Variants in EIF4G3 observed in about 807,000 individuals in gnomAD.
EIF4G3 encodes the protein eukaryotic translation initiation factor 4 gamma 3.
Under a neutral mutation model 186.4 loss-of-function variants are expected in EIF4G3, and 34 were observed. The observed-to-expected ratio is 0.18, with a 90% confidence interval of 0.14 to 0.24. The LOEUF (loss-of-function observed/expected upper bound fraction) is 0.24. EIF4G3 is among the 10% of genes least tolerant of loss of function. The pLI, the probability that EIF4G3 is intolerant of heterozygous loss-of-function variation, is 1.00. For synonymous variants in EIF4G3, 673 were observed against 679.5 expected (o/e 0.99, Z 0.15); for missense variants, 1,536 against 1,948.5 (o/e 0.79, Z 3.99).
intron 4 of EIF4G3, among the ~76,000 whole-genome samples, chr1:21,019,692 G>T (rs1002166420): frequency 6.6e-6 from 1 of 152,156 alleles, no homozygotes; most frequent in African/African-American, 2.4e-5. Flanking sequence ...AGACCATCCT[G>T]ACCAACATGG....
chr1:20,822,254 GCT>G (rs760661003), intron 33 of EIF4G3, among the ~76,000 whole-genome samples: 1 of 151,230 alleles, frequency 6.6e-6, no homozygotes, highest in Non-Finnish European at 1.5e-5. Flanking sequence ...TGATGTTACC[GCT>G]TTCATTCCAG....
chr1:20,898,477 C>A (rs1558133670), intron 16 of EIF4G3, among the ~76,000 whole-genome samples: 2 of 152,092 alleles, frequency 1.3e-5, no homozygotes, highest in Non-Finnish European at 2.9e-5. Flanking sequence ...TATATAACTA[C>A]AAAGTTTCTA....
rs142779584 is a variant in EIF4G3, at chr1:21,158,895, T to C, written c.-272+17280A>G. 1.8e-3 allele frequency among the ~76,000 whole-genome samples: 271 copies of C among 152,052 alleles called. 1 individual carries two copies. Among genetic ancestry groups the C allele is most frequent in the African/African-American group, 6.1e-3 (252 of 41,488 alleles). ...ACCTATATTTTCTCGCTAAATCCAA[T>C]TGTTACCTATGATGAGTAAAGACAC... On this transcript the variant is annotated intron_variant, in intron 2 of 36. Coordinates refer to ENST00000602326, the MANE Select transcript of EIF4G3 (RefSeq NM_001391906.1).
rs140079301 is a variant in EIF4G3 at position 20,888,538 on chromosome 1, G to A, written c.2254-2167C>T. ...TGAATTCACTGTTTGGAATAGCAAT[G>A]CCTGGAAAACTGTGGTGTAGTGAAC... On this transcript the variant is annotated intron_variant, in intron 18 of 36. Coordinates refer to ENST00000602326, the MANE Select transcript of EIF4G3 (RefSeq NM_001391906.1). 7.2e-5 allele frequency among the ~76,000 whole-genome samples: 11 copies of A among 152,148 alleles called. No homozygotes were observed. The East Asian group carries it at 2.1e-3, about 29-fold the overall frequency.
chr1:21,171,453 C>A (rs1304808275), intron 2 of EIF4G3, among the ~76,000 whole-genome samples: 1 of 152,136 alleles, frequency 6.6e-6, no homozygotes, highest in Non-Finnish European at 1.5e-5. Context: ...GTCTTCACCA[C>A]TGAAGTTAGA....
chr1:21,115,527 GAAAC>G (rs762764799), intron 2 of EIF4G3, among the ~76,000 whole-genome samples: 12 of 152,118 alleles, frequency 7.9e-5, no homozygotes, highest in African/African-American at 2.9e-4. Context: ...AATTTGTTAG[GAAAC>G]AAACAAACAA....
At chr1:21,048,691 C>T (rs971370933) in intron 4 of EIF4G3, among the ~76,000 whole-genome samples, 2 of 152,096 alleles carry the variant, frequency 1.3e-5, no homozygotes, top group Admixed American at 1.3e-4. Context: ...AGCTTTCCCT[C>T]GGCACCCTAG....
intron 2 of EIF4G3, among the ~76,000 whole-genome samples, chr1:21,173,555 G>T (rs544674269): frequency 1.8e-3 from 281 of 152,080 alleles, no homozygotes; most frequent in African/African-American, 6.5e-3. Flanking sequence ...GGACCTGGTG[G>T]CACACGCCTG....
At position 21,099,338 on chromosome 1, in the gene EIF4G3, TA is replaced by T. The variant is rs551996723; in HGVS notation, c.-271-10126del. Among the ~76,000 whole-genome samples the T allele has an allele frequency of 1.2e-3, 178 of 152,336 alleles. 4 individuals are homozygous for T. The South Asian group carries it at 0.018, about 16-fold the overall frequency. On this transcript the variant is annotated intron_variant, in intron 2 of 36. Coordinates refer to ENST00000602326, the MANE Select transcript of EIF4G3 (RefSeq NM_001391906.1). ...CAAATGCTTGCAGCAGTTTCATTCA[TA>T]ATGGCCAAAAACACTAGAAATGAGT...
intron 4 of EIF4G3, among the ~76,000 whole-genome samples, chr1:21,042,363 T>C (rs913596699): frequency 1.4e-4 from 21 of 152,244 alleles, no homozygotes; most frequent in African/African-American, 5.1e-4. Context: ...TTGCTTTAAA[T>C]ATAACTAAGT....
chr1:21,088,775 G>A (rs1238262486), intron 3 of EIF4G3, among the ~76,000 whole-genome samples: 1 of 152,100 alleles, frequency 6.6e-6, no homozygotes, highest in Non-Finnish European at 1.5e-5. Flanking sequence ...TGAGGAGGGA[G>A]AATTGCTTGA....
intron 28 of EIF4G3, among the ~76,000 whole-genome samples, chr1:20,850,524 T>C (rs2072950502): frequency 6.6e-6 from 1 of 152,232 alleles, no homozygotes; most frequent in Non-Finnish European, 1.5e-5. Flanking sequence ...CTGCTATTAC[T>C]TCATGACTAA....
At chr1:21,068,269 T>C (rs1191866709) in intron 3 of EIF4G3, among the ~76,000 whole-genome samples, 1 of 149,766 alleles carries the variant, frequency 6.7e-6, no homozygotes, top group Non-Finnish European at 1.5e-5. Context: ...CTCGGGAGGC[T>C]GAGGCATGAG....
chr1:21,086,541 T>A (rs940134177), intron 3 of EIF4G3, among the ~76,000 whole-genome samples: 12 of 152,168 alleles, frequency 7.9e-5, no homozygotes, highest in African/African-American at 2.4e-4. Context: ...AAGTCTTGCA[T>A]CTTCTGCTTT....
At chr1:20,947,744 C>CAA (rs1438721697) in intron 13 of EIF4G3, among the ~76,000 whole-genome samples, 1 of 152,164 alleles carries the variant, frequency 6.6e-6, no homozygotes, top group Non-Finnish European at 1.5e-5. Flanking sequence ...TAAAATACTA[C>CAA]AAGTTTTTCT....
chr1:20,903,739 T>C (rs958764869), intron 15 of EIF4G3, among the ~76,000 whole-genome samples: 3 of 152,100 alleles, frequency 2.0e-5, no homozygotes, highest in Admixed American at 2.0e-4. Context: ...AACCAAGGGG[T>C]ACTGTTAGAT....
chr1:20,979,697 T>C (rs1227593776), intron 10 of EIF4G3, among the ~76,000 whole-genome samples: 1 of 152,014 alleles, frequency 6.6e-6, no homozygotes, highest in Non-Finnish European at 1.5e-5. Context: ...TGTCATTAAC[T>C]AAATATATTT....
chr1:21,096,508 C>T (rs186182503), intron 2 of EIF4G3, among the ~76,000 whole-genome samples: 2 of 152,316 alleles, frequency 1.3e-5, no homozygotes, highest in East Asian at 3.9e-4. Flanking sequence ...TTACACTTGT[C>T]CCCCATAAAT....
At chr1:20,901,023 T>C (rs1473240425) in intron 15 of EIF4G3, among the ~76,000 whole-genome samples, 2 of 152,202 alleles carry the variant, frequency 1.3e-5, no homozygotes, top group African/African-American at 4.8e-5. Flanking sequence ...TGTTTAATGT[T>C]ATCAACAGAA....
Sources: allele counts gnomAD v4.1 joint callset (sites outside exome capture counted in the v4.1 genomes callset), GRCh38; gene constraint gnomAD v4.1.1; transcripts MANE v1.5; gene names NCBI Gene and HGNC (gene_info 2026-07-23, HGNC 2026-07-21).